The following EYS variants were observed in gnomAD, a reference collection of about 807,000 sequenced individuals.
EYS encodes the protein protein eyes shut homolog.
EYS carries 250 observed loss-of-function variants against 282.1 expected under a neutral mutation model. The observed-to-expected ratio is 0.89, with a 90% CI of 0.80 to 0.98. EYS has a LOEUF of 0.98. EYS is among the 50% of genes least tolerant of loss of function. The pLI is 0.00. For missense variants in EYS, 4,016 were observed against 3,709.0 expected, an observed-to-expected ratio of 1.08 and a Z score of -2.15; for synonymous variants, 1,355 against 1,282.9, an observed-to-expected ratio of 1.06 and a Z score of -1.20.
At chr6:64,679,102 C>A (rs1413801492) in intron 22 of EYS, among the ~76,000 whole-genome samples, 1 of 151,990 alleles carries the variant, frequency 6.6e-6, no homozygotes, top group Non-Finnish European at 1.5e-5. Flanking sequence ...GTTACACTTT[C>A]ATTTCTATCC....
intron 41 of EYS, among the ~76,000 whole-genome samples, chr6:63,735,740 C>G (rs1446269639): frequency 6.6e-6 from 1 of 152,150 alleles, no homozygotes; most frequent in Non-Finnish European, 1.5e-5. Flanking sequence ...AACAAGGTCT[C>G]TTTTTCCTTT....
intron 5 of EYS, among the ~76,000 whole-genome samples, chr6:65,444,933 TTACCTGTC>T (rs1046099005): frequency 1.5e-4 from 23 of 152,128 alleles, no homozygotes; most frequent in African/African-American, 4.6e-4. Context: ...CACTAGCTTG[TTACCTGTC>T]TACACCTAAG....
intron 26 of EYS, among the ~76,000 whole-genome samples, chr6:64,469,511 G>A (rs574834854): frequency 6.6e-6 from 1 of 152,206 alleles, no homozygotes; most frequent in Non-Finnish European, 1.5e-5. Flanking sequence ...AGGAGCTGAG[G>A]GGACATAATG....
chr6:64,191,899 G>T (rs201767272), intron 31 of EYS, among the ~76,000 whole-genome samples: 1 of 149,972 alleles, frequency 6.7e-6, no homozygotes, highest in African/African-American at 2.5e-5. Context: ...CTGAGGAATC[G>T]CCACACTGAC....
chr6:63,838,385 T>C (rs765205085), intron 36 of EYS, among the ~76,000 whole-genome samples: 1 of 152,186 alleles, frequency 6.6e-6, no homozygotes, highest in Non-Finnish European at 1.5e-5. Flanking sequence ...AAGCCAAAGA[T>C]GCTAAAGGCT....
intron 15 of EYS, among the ~76,000 whole-genome samples, chr6:64,925,427 G>A (rs920031504): frequency 5.2e-4 from 65 of 124,496 alleles, no homozygotes; most frequent in African/African-American, 1.6e-3. Flanking sequence ...TAGTCTTCAT[G>A]TGGTGGCTTC....
At chr6:64,719,584 C>T (rs757712669) in intron 22 of EYS, among the ~76,000 whole-genome samples, 4 of 152,190 alleles carry the variant, frequency 2.6e-5, no homozygotes, top group Non-Finnish European at 4.4e-5. Flanking sequence ...CAGGCAAACT[C>T]CATTTGCCTC....
At chr6:65,003,533 T>G (rs573573422) in intron 13 of EYS, among the ~76,000 whole-genome samples, 1 of 147,482 alleles carries the variant, frequency 6.8e-6, no homozygotes, top group African/African-American at 2.4e-5. Context: ...AAGTACTTGA[T>G]GTCTGTGACC....
chr6:65,450,968 T>TG (rs1216366231), intron 5 of EYS, among the ~76,000 whole-genome samples: 1 of 152,158 alleles, frequency 6.6e-6, no homozygotes, highest in African/African-American at 2.4e-5. Context: ...CTTTTATTCA[T>TG]GGGTCAGAGA....
intron 22 of EYS, among the ~76,000 whole-genome samples, chr6:64,794,851 C>T (rs1194552699): frequency 2.6e-5 from 4 of 152,030 alleles, no homozygotes; most frequent in African/African-American, 9.7e-5. Context: ...TTCTATTATA[C>T]CCCACCAACC....
At chr6:65,168,321 G>A (rs1219923125) in intron 12 of EYS, among the ~76,000 whole-genome samples, 3 of 151,232 alleles carry the variant, frequency 2.0e-5, no homozygotes, top group Non-Finnish European at 4.4e-5. Flanking sequence ...TGTAGTTCAT[G>A]AGTCTTAGTC....
At chr6:63,995,399 A>T (rs947584462) in intron 34 of EYS, among the ~76,000 whole-genome samples, 2 of 152,010 alleles carry the variant, frequency 1.3e-5, no homozygotes, top group African/African-American at 4.8e-5. Flanking sequence ...ACCAGAAAAT[A>T]ACAAGTCTTA....
intron 22 of EYS, among the ~76,000 whole-genome samples, chr6:64,676,316 C>CTATATATATATATA (rs199984162): frequency 8.4e-6 from 1 of 119,054 alleles, no homozygotes; most frequent in African/African-American, 2.9e-5. Context: ...TCCAATATAT[C>CTATATATATATATA]TATATATATA....
At chr6:64,214,994 C>T (rs1056719646) in intron 31 of EYS, among the ~76,000 whole-genome samples, 1 of 151,874 alleles carries the variant, frequency 6.6e-6, no homozygotes, top group Non-Finnish European at 1.5e-5. Flanking sequence ...TTTAAATTTC[C>T]ACTCTAGTTA....
chr6:63,762,243 TA>T (rs1459520593), intron 41 of EYS, among the ~76,000 whole-genome samples: 2 of 152,030 alleles, frequency 1.3e-5, no homozygotes, highest in African/African-American at 4.8e-5. Context: ...TTAGAGTTAA[TA>T]AATTAAAGCA....
At chr6:64,024,090 C>G (rs1769348255) in intron 33 of EYS, among the ~76,000 whole-genome samples, 1 of 152,200 alleles carries the variant, frequency 6.6e-6, no homozygotes, top group South Asian at 2.1e-4. Context: ...GCGCCCAGTC[C>G]CATCGACCAC....
At chr6:64,504,017 C>T (rs778132613) in intron 26 of EYS, among the ~76,000 whole-genome samples, 6 of 152,162 alleles carry the variant, frequency 3.9e-5, no homozygotes, top group African/African-American at 4.8e-5. Flanking sequence ...TTCCTGAGGG[C>T]TCCCAGTGAT....
chr6:63,932,317 A>G (rs1018203354), intron 35 of EYS, among the ~76,000 whole-genome samples: 1 of 152,202 alleles, frequency 6.6e-6, no homozygotes, highest in African/African-American at 2.4e-5. Context: ...TCTCTTTAAT[A>G]TACTGATTTC....
chr6:64,056,776 G>A (rs1318797548), intron 33 of EYS, among the ~76,000 whole-genome samples: 2 of 152,198 alleles, frequency 1.3e-5, no homozygotes, highest in Non-Finnish European at 2.9e-5. Context: ...GCTGTACTTA[G>A]GTGTCTAACC....
Sources: gnomAD v4.1 joint callset for allele counts (sites outside exome capture counted in the v4.1 genomes callset) on GRCh38, gnomAD v4.1.1 for gene constraint, MANE v1.5 for transcripts, NCBI Gene and HGNC (gene_info 2026-07-23, HGNC 2026-07-21) for gene names.